DCDC2C: variants seen among roughly 807,000 people sequenced by gnomAD.
The protein encoded by DCDC2C is doublecortin domain containing 2C, also known as doublecortin domain-containing protein 2C.
DCDC2C carries 44 observed loss-of-function variants against 45.0 expected under a neutral mutation model. The observed-to-expected ratio is 0.98, with a 90% CI of 0.77 to 1.26. DCDC2C has a LOEUF of 1.26. Ranked by LOEUF, DCDC2C falls within the 50% of genes most tolerant of loss-of-function variation. DCDC2C has a pLI of 0.00. For missense variants in DCDC2C, 447 were observed against 468.9 expected, an observed-to-expected ratio of 0.95 and a Z score of 0.43; for synonymous variants, 187 against 178.8, an observed-to-expected ratio of 1.05 and a Z score of -0.37.
rs59926358 is a variant in DCDC2C at position 3,761,047 on chromosome 2, A to G, written c.726+6413A>G. On this transcript the variant is annotated intron_variant, in intron 6 of 10. Coordinates refer to ENST00000399143, the MANE Select transcript of DCDC2C (RefSeq NM_001287444.2). This position sits in a 1 kb window ranked among gnomAD's most constrained non-coding sequence, Gnocchi z 4.3. The stretch of plus-strand genomic sequence containing the variant: ...ATCCTGTCTGGCACAATTAACTGGA[A>G]CTTTTAGTCCAATGAAAGTAATTGA... Among the ~76,000 whole-genome samples, 2,816 of 152,316 alleles carry G rather than the reference A, an allele frequency of 0.018. 85 individuals carry two copies. Among genetic ancestry groups the G allele is most frequent in the African/African-American group, 0.064 (2,675 of 41,556 alleles).
At chr2:3,739,336 G>C (rs1306143712) in intron 3 of DCDC2C, among the ~76,000 whole-genome samples, 2 of 152,182 alleles carry the variant, frequency 1.3e-5, no homozygotes, top group African/African-American at 4.8e-5. Context: ...ATGGACCTGC[G>C]TGAGGTCAGG....
At chr2:3,759,506 T>C (rs1669819081) in intron 6 of DCDC2C, among the ~76,000 whole-genome samples, 2 of 152,142 alleles carry the variant, frequency 1.3e-5, no homozygotes, top group Non-Finnish European at 1.5e-5. Flanking sequence ...CAGAGAGTAA[T>C]GTAGCACCTC....
At chr2:3,714,561 T>A (rs757192378) in intron 2 of DCDC2C, among the ~76,000 whole-genome samples, 11 of 152,166 alleles carry the variant, frequency 7.2e-5, no homozygotes, top group Non-Finnish European at 1.2e-4. Flanking sequence ...AAACAACAAG[T>A]GTACCATTCA....
chr2:3,734,196 T>C lies in DCDC2C; in HGVS notation c.416+7117T>C, dbSNP rs1668956875. 6.6e-6 allele frequency among the ~76,000 whole-genome samples: 1 copy of C among 152,240 alleles called. No homozygotes were observed. The highest frequency in any genetic ancestry group is 1.5e-5 in the Non-Finnish European group (1 of 68,036). On this transcript the variant is annotated intron_variant, in intron 3 of 10. Coordinates refer to ENST00000399143, the MANE Select transcript of DCDC2C (RefSeq NM_001287444.2). This position sits in a 1 kb window ranked among gnomAD's most constrained non-coding sequence, Gnocchi z 4.2. ...GTGGATGTTTCACCTTCATTTCTTC[T>C]GTCTTCATGCAAGCCCGAGTAAATG...
intron 10 of DCDC2C, among the ~76,000 whole-genome samples, chr2:3,841,716 C>T (rs868362722): frequency 1.3e-5 from 2 of 152,200 alleles, no homozygotes; most frequent in African/African-American, 2.4e-5. Context: ...TAAGTTAGCA[C>T]GCGGCGTGAG....
At chr2:3,799,743 G>A (rs541670599) in intron 10 of DCDC2C, among the ~76,000 whole-genome samples, 240 of 152,368 alleles carry the variant, frequency 1.6e-3, no homozygotes, top group Non-Finnish European at 2.9e-3. Context: ...CTCCAGCTGT[G>A]TGCTGGGAGA....
At chr2:3,712,645 G>C (rs1187217873) in intron 2 of DCDC2C, among the ~76,000 whole-genome samples, 5 of 152,224 alleles carry the variant, frequency 3.3e-5, no homozygotes, top group Middle Eastern at 3.4e-3. Flanking sequence ...CAACAAAAAA[G>C]ACTTGTCTTT....
chr2:3,723,821 A>G (rs1668560921), intron 2 of DCDC2C, among the ~76,000 whole-genome samples: 1 of 152,066 alleles, frequency 6.6e-6, no homozygotes, highest in Non-Finnish European at 1.5e-5. Flanking sequence ...TAGTTGAACA[A>G]ATGGGGCCGG....
intron 2 of DCDC2C, among the ~76,000 whole-genome samples, chr2:3,713,779 T>C (rs187065184): frequency 6.6e-5 from 10 of 152,342 alleles, no homozygotes; most frequent in Non-Finnish European, 1.2e-4. Context: ...TGTCAGAATG[T>C]GAGCAAGATT....
intron 6 of DCDC2C, among the ~76,000 whole-genome samples, chr2:3,765,702 A>G (rs536142781): frequency 6.6e-6 from 1 of 152,208 alleles, no homozygotes; most frequent in East Asian, 1.9e-4. Context: ...GAATTCATTA[A>G]TGGAGAAACA....
Position 3,809,551 on chromosome 2 carries a change from T to C in DCDC2C, c.1065+24451T>C, listed in dbSNP as rs559200101. On this transcript the variant is annotated intron_variant, in intron 10 of 10. Coordinates refer to ENST00000399143, the MANE Select transcript of DCDC2C (RefSeq NM_001287444.2). ...CAAACATATAGAAAAACTATTGACTTTTTTATATCGACCTGAATCCTGAAA... is the reference window on the plus strand; with the variant it reads ...CAAACATATAGAAAAACTATTGACTCTTTTATATCGACCTGAATCCTGAAA... 2.4e-4 allele frequency among the ~76,000 whole-genome samples: 37 copies of C among 152,342 alleles called. 1 individual carries two copies. In the Middle Eastern group the frequency reaches 0.01, roughly 42 times the overall value.
At chr2:3,795,310 G>T (rs1187894930) in intron 10 of DCDC2C, among the ~76,000 whole-genome samples, 1 of 148,842 alleles carries the variant, frequency 6.7e-6, no homozygotes, top group Non-Finnish European at 1.5e-5. Context: ...CTCCCATTTT[G>T]TAGGTTGCCT....
Position 3,769,406 on chromosome 2 carries a change from G to GAGGAC in DCDC2C, c.950_951insGGACA (p.Asp317GlufsTer9), listed in dbSNP as rs1368673333. 6.5e-7 allele frequency: 1 copy of GAGGAC among 1,550,298 alleles called. No homozygotes were observed. The highest frequency in any genetic ancestry group is 8.7e-7 in the Non-Finnish European group (1 of 1,146,854). On this transcript the variant is annotated frameshift_variant, in exon 8 of 11. Transcript: ENST00000399143. LOFTEE classifies it high-confidence loss of function. ...CAATGTGCAGCTGGAGGTGCCTGTGGACCAGGTGGGTGTCCGGGGTCCGAT... is the reference window on the plus strand; with the variant it reads ...CAATGTGCAGCTGGAGGTGCCTGTGGAGGACACCAGGTGGGTGTCCGGGGTCCGAT...
At chr2:3,751,108 C>T (rs987646520) in intron 4 of DCDC2C, among the ~76,000 whole-genome samples, 1 of 152,224 alleles carries the variant, frequency 6.6e-6, no homozygotes, top group Non-Finnish European at 1.5e-5. Context: ...TATCTGCCAT[C>T]TCTTTGATGG....
intron 10 of DCDC2C, among the ~76,000 whole-genome samples, chr2:3,800,967 C>T (rs1329185163): frequency 6.6e-6 from 1 of 152,148 alleles, no homozygotes; most frequent in Non-Finnish European, 1.5e-5. Context: ...TAGTTTTGAC[C>T]TCACTGACCC....
At chr2:3,826,326 C>G (rs1014100312) in intron 10 of DCDC2C, among the ~76,000 whole-genome samples, 2 of 152,092 alleles carry the variant, frequency 1.3e-5, no homozygotes, top group Middle Eastern at 3.4e-3. Context: ...AATTCTTTTT[C>G]CAATTATAGT....
intron 10 of DCDC2C, among the ~76,000 whole-genome samples, chr2:3,800,296 A>G (rs1186086291): frequency 6.6e-6 from 1 of 152,084 alleles, no homozygotes; most frequent in Admixed American, 6.5e-5. Flanking sequence ...TGAACCCGGT[A>G]CCTCAGATGG....
At chr2:3,711,692 T>G (rs1668214475) in intron 2 of DCDC2C, among the ~76,000 whole-genome samples, 1 of 151,652 alleles carries the variant, frequency 6.6e-6, no homozygotes, top group South Asian at 2.1e-4. Flanking sequence ...GAGCAGATCT[T>G]TGCCTTTTTG....
At chr2:3,844,800 G>A (rs1013258118) in intron 10 of DCDC2C, among the ~76,000 whole-genome samples, 6 of 152,170 alleles carry the variant, frequency 3.9e-5, no homozygotes, top group Non-Finnish European at 7.3e-5. Flanking sequence ...GCGAGACTGG[G>A]TGAATCATTG....
Sources: allele counts gnomAD v4.1 joint callset (sites outside exome capture counted in the v4.1 genomes callset), GRCh38; gene constraint gnomAD v4.1.1; non-coding constraint Gnocchi (gnomAD v3.1); transcripts MANE v1.5; gene names NCBI Gene and HGNC (gene_info 2026-07-23, HGNC 2026-07-21).